The following ABLIM3 variants were observed in gnomAD, a reference collection of about 807,000 sequenced individuals.
ABLIM3 encodes actin binding LIM protein family member 3.
A neutral mutation model predicts 109.5 loss-of-function variants in ABLIM3; 61 were observed. The observed-to-expected ratio is 0.56, with a 90% confidence interval of 0.45 to 0.69. The LOEUF (loss-of-function observed/expected upper bound fraction) is 0.69. Ranked by LOEUF, ABLIM3 falls within the 30% of genes least tolerant of loss-of-function variation. The probability of loss-of-function intolerance (pLI) is 0.00; values close to 1 mark genes in which losing one functional copy is unlikely to be tolerated. For synonymous variants in ABLIM3, 300 were observed against 324.8 expected (o/e 0.92, Z 0.82); for missense variants, 796 against 889.5 (o/e 0.89, Z 1.34).
At chr5:149,200,202 G>T in intron 4 of ABLIM3, 114 bp from the exon 5 acceptor site, 1 of 836,230 alleles carries the variant, frequency 1.2e-6, no homozygotes. Context: ...AATTTGCGTG[G>T]TGCTCTAGAA....
At chr5:149,152,685 C>T (rs1297203277) in intron 2 of ABLIM3, among the ~76,000 whole-genome samples, 1 of 152,140 alleles carries the variant, frequency 6.6e-6, no homozygotes, top group Admixed American at 6.6e-5. Context: ...TCTGAGGAGG[C>T]TGAACTGTTC....
chr5:149,210,282 C>T (rs1335498027), intron 6 of ABLIM3, among the ~76,000 whole-genome samples: 3 of 152,228 alleles, frequency 2.0e-5, no homozygotes, highest in Non-Finnish European at 4.4e-5. Context: ...CTAGGTCATC[C>T]TGGGTGGCCT....
chr5:149,159,681 C>G (rs1006329615), intron 2 of ABLIM3, among the ~76,000 whole-genome samples: 3 of 152,196 alleles, frequency 2.0e-5, no homozygotes, highest in Non-Finnish European at 4.4e-5. Context: ...AGTTCTATGG[C>G]TCCATCCTAT....
Position 149,258,271 on chromosome 5 carries a change from G to A in ABLIM3, c.1939-20G>A, listed in dbSNP as rs550506054. 2.6e-5 allele frequency: 28 copies of A among 1,075,608 alleles called. No individual in the cohort carries two copies. The highest frequency in any genetic ancestry group is 1.4e-4 in the African/African-American group (8 of 58,480). 66.6% of individuals were successfully genotyped at this position (1,075,608 alleles called of 1,614,324 possible). A position where few individuals can be genotyped will look rare whatever the true frequency, so the allele number is the denominator to read the frequency against. On this transcript the variant is annotated intron_variant, in intron 23 of 23. Coordinates refer to ENST00000309868, the MANE Select transcript of ABLIM3 (RefSeq NM_014945.5). ...TCTCTTTCTCTGTCCCCCCACCCCC[G>A]CCTGCCCTGCCTCCTTCAGCGCCAC...
chr5:149,168,273 G>A (rs1009236895), intron 2 of ABLIM3, among the ~76,000 whole-genome samples: 11 of 152,158 alleles, frequency 7.2e-5, no homozygotes, highest in Non-Finnish European at 1.3e-4. Flanking sequence ...GAGCTCAAGC[G>A]CTCTGTAAGG....
rs990891231 is a variant in ABLIM3 at position 149,258,686 on chromosome 5, G to A, written c.*282G>A. 6.5e-6 allele frequency: 7 copies of A among 1,069,618 alleles called. No homozygotes were observed. Among genetic ancestry groups the A allele is most frequent in the Non-Finnish European group, 7.9e-6 (7 of 885,566 alleles). The allele number at this position is 1,069,618 out of a possible 1,614,324, so 66.3% of individuals were successfully genotyped here. ...ATCTGTCCTAACTTGAGTGCCCCAA[G>A]GTCCAACTCTCTTTCCTAAAGAAGG... is the stretch of plus-strand genomic sequence containing the variant. On this transcript the variant is annotated 3_prime_UTR_variant, in exon 24 of 24. Transcript: ENST00000309868.
intron 2 of ABLIM3, among the ~76,000 whole-genome samples, chr5:149,158,944 CACA>C (rs1754082500): frequency 6.6e-6 from 1 of 152,238 alleles, no homozygotes; most frequent in Non-Finnish European, 1.5e-5. Context: ...TGTAAAATGG[CACA>C]ACAACTATGG....
At chr5:149,205,204 C>T (rs368452915) in intron 5 of ABLIM3, among the ~76,000 whole-genome samples, 2 of 152,284 alleles carry the variant, frequency 1.3e-5, no homozygotes, top group Non-Finnish European at 1.5e-5. Context: ...TCACGGGAGT[C>T]AAGTCTCAGC....
At chr5:149,241,375 C>T (rs1265370663) in intron 14 of ABLIM3, among the ~76,000 whole-genome samples, 1 of 152,320 alleles carries the variant, frequency 6.6e-6, no homozygotes, top group East Asian at 1.9e-4. Flanking sequence ...ATAAATAAAA[C>T]AGGCCATCCT....
At chr5:149,246,870 A>T (rs945850010) in intron 17 of ABLIM3, among the ~76,000 whole-genome samples, 1 of 152,214 alleles carries the variant, frequency 6.6e-6, no homozygotes, top group Non-Finnish European at 1.5e-5. Context: ...CCCTTGTTTC[A>T]GCCCCTGTGG....
At chr5:149,148,332 A>G (rs1185811779) in intron 2 of ABLIM3, among the ~76,000 whole-genome samples, 1 of 152,104 alleles carries the variant, frequency 6.6e-6, no homozygotes, top group Non-Finnish European at 1.5e-5. Flanking sequence ...GAGAAAATAG[A>G]CACCAAACAT....
chr5:149,156,138 G>GA (rs1753851412), intron 2 of ABLIM3, among the ~76,000 whole-genome samples: 1 of 152,230 alleles, frequency 6.6e-6, no homozygotes. Context: ...TGGGCTTGCT[G>GA]TATATTCTAA....
At chr5:149,230,627 C>T (rs1761759453) in intron 8 of ABLIM3, 22 bp from the exon 9 acceptor site, 5 of 1,613,642 alleles carry the variant, frequency 3.1e-6, no homozygotes, top group African/African-American at 1.3e-5. Context: ...TCTGAGTCTT[C>T]GTTATTTTCA....
At position 149,244,996 on chromosome 5, in the gene ABLIM3, C is replaced by T. The variant is rs1753207087; in HGVS notation, c.1467C>T (p.Thr489=). ...PYYASESEYW[T]YHGSPKVPRA... is the part of the protein sequence containing the mutation. ...ATGCTTCGGAGTCTGAGTACTGGAC[C>T]TACCATGGGTCCCCCAAAGGTAGTA... is the stretch of plus-strand genomic sequence containing the variant. Residue 489 remains threonine (T), a synonymous_variant, in exon 16 of 24, where the codon ACC becomes ACT. Transcript: ENST00000309868. 3 of 1,614,202 alleles carry T rather than the reference C, an allele frequency of 1.9e-6. No homozygotes were observed. In the East Asian group the frequency reaches 6.7e-5, roughly 36 times the overall value.
chr5:149,165,695 A>G (rs528202697), intron 2 of ABLIM3, among the ~76,000 whole-genome samples: 9 of 152,228 alleles, frequency 5.9e-5, no homozygotes, highest in African/African-American at 1.7e-4. Context: ...CCTCCTGGAA[A>G]GACCTTTCTC....
chr5:149,158,136 T>C (rs554366220), intron 2 of ABLIM3, among the ~76,000 whole-genome samples: 1 of 152,354 alleles, frequency 6.6e-6, no homozygotes, highest in South Asian at 2.1e-4. Flanking sequence ...GGTCATTTGC[T>C]GTGAGTCAAC....
intron 2 of ABLIM3, among the ~76,000 whole-genome samples, chr5:149,177,317 G>A (rs1756029354): frequency 6.6e-6 from 1 of 152,188 alleles, no homozygotes; most frequent in Non-Finnish European, 1.5e-5. Flanking sequence ...GGAGTTACCA[G>A]AAGCAGCTCT....
At chr5:149,159,087 C>A (rs1459779443) in intron 2 of ABLIM3, among the ~76,000 whole-genome samples, 2 of 152,172 alleles carry the variant, frequency 1.3e-5, no homozygotes, top group African/African-American at 4.8e-5. Flanking sequence ...ATGTTGCTGT[C>A]AGCTTGATTC....
At chr5:149,242,687 G>A (rs1752973320) in intron 15 of ABLIM3, 149 bp downstream of exon 15, 4 of 812,456 alleles carry the variant, frequency 4.9e-6, no homozygotes, top group Non-Finnish European at 8.5e-6. Context: ...CACCCAGGGT[G>A]ACATTAGGGC....
Sources: gnomAD v4.1 joint callset for allele counts (sites outside exome capture counted in the v4.1 genomes callset) on GRCh38, gnomAD v4.1.1 for gene constraint, MANE v1.5 for transcripts, NCBI Gene and HGNC (gene_info 2026-07-23, HGNC 2026-07-21) for gene names.